SDR16C5: variants seen among roughly 807,000 people sequenced by gnomAD.
SDR16C5 encodes the protein epidermal retinol dehydrogenase 2.
Under a neutral mutation model 27.7 loss-of-function variants are expected in SDR16C5, and 20 were observed. The ratio of observed to expected loss-of-function variants is 0.72; its 90% confidence interval spans 0.51 to 1.05. The LOEUF is 1.05. Ranked by LOEUF, SDR16C5 falls within the 50% of genes least tolerant of loss-of-function variation. SDR16C5 has a pLI of 0.00. For synonymous variants in SDR16C5, 139 were observed against 132.3 expected (o/e 1.05, Z -0.35); for missense variants, 374 against 366.3 (o/e 1.02, Z -0.17).
At position 56,312,430 on chromosome 8, in the gene SDR16C5, C is replaced by T. The variant is rs754054834; in HGVS notation, c.334-142G>A. 2.0e-4 allele frequency: 143 copies of T among 717,176 alleles called. 1 individual carries two copies. The highest frequency in any genetic ancestry group is 3.1e-4 in the Non-Finnish European group (134 of 431,236). The allele number at this position is 717,176 out of a possible 1,614,324, so 44.4% of individuals were successfully genotyped here. On this transcript the variant is annotated intron_variant, in intron 2 of 6. Transcript: ENST00000303749. ...TCTAAAAATACAGCTTGGGGCCAGG[C>T]GCAGTGGCTCACACCTGTAATCCCA...
rs373450804 is a variant in SDR16C5, at chr8:56,316,272, T to C, written c.76A>G (p.Met26Val). 2.1e-5 allele frequency: 34 copies of C among 1,613,770 alleles called. 1 individual carries two copies. In the East Asian group the frequency reaches 3.6e-4, roughly 17 times the overall value. Residue 26 changes from methionine to valine, a missense_variant, in exon 2 of 7, where the codon ATG becomes GTG. By Grantham distance (21) the Met-to-Val change is conservative (BLOSUM62 1). Coordinates refer to ENST00000303749, the MANE Select transcript of SDR16C5 (RefSeq NM_138969.4). ...GKSLFSLLEA[M>V]IFALLPKPRK... ...GGCTTTGGGAGTAAGGCAAAAATCATAGCCTCCAGAAGACTAAACAGTGAT... is the reference window on the plus strand; with the variant it reads ...GGCTTTGGGAGTAAGGCAAAAATCACAGCCTCCAGAAGACTAAACAGTGAT...
At chr8:56,309,108 A>T in intron 3 of SDR16C5, 81 bp from the exon 4 acceptor site, 1 of 1,137,352 alleles carries the variant, frequency 8.8e-7, no homozygotes, top group Non-Finnish European at 1.2e-6. Context: ...CATTGTGATT[A>T]AAAAATCTTT....
chr8:56,316,709 T>C (rs1161531566), intron 1 of SDR16C5, among the ~76,000 whole-genome samples: 1 of 152,230 alleles, frequency 6.6e-6, no homozygotes, highest in African/African-American at 2.4e-5. Flanking sequence ...TTCATAATAA[T>C]AATGAATCCT....
At chr8:56,312,309 A>G in intron 2 of SDR16C5, 21 bp from the exon 3 acceptor site, 1 of 1,607,858 alleles carries the variant, frequency 6.2e-7, no homozygotes, top group Non-Finnish European at 8.5e-7. Context: ...TAAGAGCAAC[A>G]CCACCAATGT....
chr8:56,306,559 A>G (rs1174288273), intron 5 of SDR16C5, 117 bp downstream of exon 5: 3 of 967,524 alleles, frequency 3.1e-6, no homozygotes, highest in Admixed American at 3.1e-5. Flanking sequence ...AAAACCATTT[A>G]TAAATCATAC....
chr8:56,319,005 G>A (rs191890353), intron 1 of SDR16C5, among the ~76,000 whole-genome samples: 9 of 151,756 alleles, frequency 5.9e-5, no homozygotes, highest in Admixed American at 5.3e-4. Flanking sequence ...GTTTCTAATA[G>A]TGCATAGGAA....
At chr8:56,318,327 T>A (rs1343501099) in intron 1 of SDR16C5, among the ~76,000 whole-genome samples, 1 of 152,228 alleles carries the variant, frequency 6.6e-6, no homozygotes, top group Non-Finnish European at 1.5e-5. Context: ...TGATTTACAT[T>A]CACAGAGTAA....
At chr8:56,316,752 C>T (rs1176314738) in intron 1 of SDR16C5, among the ~76,000 whole-genome samples, 1 of 152,208 alleles carries the variant, frequency 6.6e-6, no homozygotes, top group South Asian at 2.1e-4. Flanking sequence ...GTCTTGACCA[C>T]ATCACAATGT....
At chr8:56,308,801 T>G in intron 4 of SDR16C5, 127 bp downstream of exon 4, 1 of 613,298 alleles carries the variant, frequency 1.6e-6, no homozygotes, top group Admixed American at 3.3e-5. Context: ...CAACCACTTA[T>G]TGACTATACT....
At chr8:56,301,877 G>A (rs935179039) in intron 6 of SDR16C5, among the ~76,000 whole-genome samples, 2 of 152,182 alleles carry the variant, frequency 1.3e-5, no homozygotes, top group Admixed American at 6.5e-5. Flanking sequence ...TGTCCTGTAG[G>A]CATGCGCTTT....
rs1382613422 is a variant in SDR16C5 at position 56,316,007 on chromosome 8, A to T, written c.333+8T>A. On this transcript the variant is annotated splice_region_variant and intron_variant, in intron 2 of 6. Transcript: ENST00000303749. The stretch of plus-strand genomic sequence containing the variant: ...ATCAAATTATAATAGTAAACACACA[A>T]GAGTTACCTGGTCGGCTACTCTATA... 1.3e-6 allele frequency: 2 copies of T among 1,595,308 alleles called. No individual in the cohort carries two copies. The highest frequency in any genetic ancestry group is 1.7e-6 in the Non-Finnish European group (2 of 1,164,094).
chr8:56,306,549 A>G (rs1814886810), intron 5 of SDR16C5, 127 bp downstream of exon 5: 10 of 908,406 alleles, frequency 1.1e-5, no homozygotes, highest in Non-Finnish European at 1.6e-5. Context: ...ACAGAATTCT[A>G]AAACCATTTA....
intron 2 of SDR16C5, among the ~76,000 whole-genome samples, chr8:56,313,620 CCATAATGTGGGACCA>C (rs1275491926): frequency 6.6e-6 from 1 of 152,154 alleles, no homozygotes; most frequent in Non-Finnish European, 1.5e-5. Flanking sequence ...ATAATCTGTC[CCATAATGTGGGACCA>C]CCATTTTGTA....
chr8:56,312,288 C>T lies in SDR16C5; in HGVS notation c.334G>A (p.Val112Ile). Reference protein sequence around the residue: ...KEGVYRVADQVKKEVGDVSIL... With the variant: ...KEGVYRVADQIKKEVGDVSIL... ...GAAACATCGCCGACTTCTTTTTTAA[C>T]CTGAATTGAATAAGAGCAACACCAC... is the stretch of plus-strand genomic sequence containing the variant. Residue 112 changes from valine to isoleucine, a missense_variant and splice_region_variant, in exon 3 of 7, where the codon GTT (valine) becomes ATT (isoleucine). Val to Ile is a conservative substitution (Grantham distance 29, BLOSUM62 3). Coordinates refer to ENST00000303749, the MANE Select transcript of SDR16C5 (RefSeq NM_138969.4). 1 of 1,613,352 alleles carries T rather than the reference C, an allele frequency of 6.2e-7. No homozygotes were observed. The highest frequency in any genetic ancestry group is 1.1e-5 in the South Asian group (1 of 91,056).
At chr8:56,308,884 G>T in intron 4 of SDR16C5, 44 bp downstream of exon 4, 2 of 1,359,564 alleles carry the variant, frequency 1.5e-6, no homozygotes, top group Non-Finnish European at 2.1e-6. Flanking sequence ...GTAAGTTAAA[G>T]TTATAGGGAA....
Position 56,312,247 on chromosome 8 carries a change from A to G in SDR16C5, c.375T>C (p.Asn125=). 6.2e-7 allele frequency: 1 copy of G among 1,613,670 alleles called. No individual in the cohort carries two copies. The highest frequency in any genetic ancestry group is 8.5e-7 in the Non-Finnish European group (1 of 1,179,544). ...EVGDVSILIN[N]AGIVTGKKFL... ...ACTTTTTGCCTGTTACGATTCCGGCATTGTTGATTAGGATGGAAACATCGC... is the reference window on the plus strand; with the variant it reads ...ACTTTTTGCCTGTTACGATTCCGGCGTTGTTGATTAGGATGGAAACATCGC... The change falls in exon 3 of 7, where the codon AAT becomes AAC. Residue 125 remains asparagine (N), a synonymous_variant. Coordinates refer to ENST00000303749, the MANE Select transcript of SDR16C5 (RefSeq NM_138969.4).
chr8:56,317,930 G>C (rs1050126128), intron 1 of SDR16C5, among the ~76,000 whole-genome samples: 4 of 152,210 alleles, frequency 2.6e-5, no homozygotes, highest in Non-Finnish European at 5.9e-5. Context: ...GGTGAGCCAA[G>C]TAATCTAGTT....
At chr8:56,306,893 C>G (rs565588698) in intron 4 of SDR16C5, 73 bp from the exon 5 acceptor site, 1 of 1,278,666 alleles carries the variant, frequency 7.8e-7, no homozygotes. Flanking sequence ...TTACCCATAA[C>G]GCTAACAGCG....
At chr8:56,312,004 T>A (rs1229382510) in intron 3 of SDR16C5, among the ~76,000 whole-genome samples, 153 bp downstream of exon 3, 1 of 152,150 alleles carries the variant, frequency 6.6e-6, no homozygotes, top group East Asian at 1.9e-4. Flanking sequence ...TTAAGTGGCA[T>A]CAGAAAAGGA....
Sources: gnomAD v4.1 joint callset for allele counts (sites outside exome capture counted in the v4.1 genomes callset) on GRCh38, gnomAD v4.1.1 for gene constraint, MANE v1.5 for transcripts, NCBI Gene and HGNC (gene_info 2026-07-23, HGNC 2026-07-21) for gene names.